Variants in ULK4 observed in about 807,000 individuals in gnomAD.
ULK4 encodes inactive serine/threonine-protein kinase ULK4.
ULK4 carries 133 observed loss-of-function variants against 160.6 expected under a neutral mutation model. That is an observed-to-expected ratio of 0.83 (90% CI 0.72 to 0.96). The LOEUF (loss-of-function observed/expected upper bound fraction) is 0.96. Among genes scored for constraint, ULK4 ranks in the 40% least tolerant of loss-of-function variants. ULK4 has a pLI of 0.00. For synonymous variants in ULK4, 534 were observed against 539.8 expected (o/e 0.99, Z 0.15); for missense variants, 1,580 against 1,499.5 (o/e 1.05, Z -0.89).
intron 27 of ULK4, among the ~76,000 whole-genome samples, chr3:41,696,087 T>C (rs551477044): frequency 6.2e-4 from 94 of 152,198 alleles, no homozygotes; most frequent in Non-Finnish European, 1.0e-3. Flanking sequence ...ACCCACTACT[T>C]AGCGGAACGG....
rs1327697971 is a variant in ULK4 at position 41,577,600 on chromosome 3, T to TC, written c.3121-11471dup. On this transcript the variant is annotated intron_variant, in intron 31 of 36. Transcript: ENST00000301831. ...CGCGCCCCCATTAACCATCCCCACC[T>TC]CCCCCTCCAACCTCCCACTACCCTT... 2.0e-5 allele frequency among the ~76,000 whole-genome samples: 3 copies of TC among 147,444 alleles called. No homozygotes were observed. In the East Asian group the frequency reaches 6.2e-4, roughly 30 times the overall value.
At chr3:41,443,586 A>G (rs1191568366) in intron 34 of ULK4, among the ~76,000 whole-genome samples, 1 of 152,166 alleles carries the variant, frequency 6.6e-6, no homozygotes, top group Non-Finnish European at 1.5e-5. Flanking sequence ...TCCAGTTAAC[A>G]TACCATGGTA....
intron 30 of ULK4, among the ~76,000 whole-genome samples, chr3:41,653,779 G>T (rs1459855362): frequency 6.6e-6 from 1 of 152,116 alleles, no homozygotes; most frequent in Non-Finnish European, 1.5e-5. Flanking sequence ...ACAAAAACAG[G>T]CTGCAAGCCA....
chr3:41,720,990 A>C (rs955213848), intron 22 of ULK4, among the ~76,000 whole-genome samples: 2 of 152,158 alleles, frequency 1.3e-5, no homozygotes, highest in Non-Finnish European at 2.9e-5. Context: ...TGGTTAAATA[A>C]AATATGGTAC....
rs1285648615 is a variant in ULK4, at chr3:41,932,007, C to T, written c.379-1G>A. On this transcript the variant is annotated splice_acceptor_variant, in intron 4 of 36. Coordinates refer to ENST00000301831, the MANE Select transcript of ULK4 (RefSeq NM_017886.4). LOFTEE classifies it high-confidence loss of function. ...GTGTGCCAGGCCCTTCCAAGAGTAT[C>T]TATGAAGATCAAATAAATGTTTTCA... 6.2e-7 allele frequency: 1 copy of T among 1,610,366 alleles called. No homozygotes were observed. The highest frequency in any genetic ancestry group is 1.1e-5 in the South Asian group (1 of 90,576).
At chr3:41,760,766 A>G (rs1158185844) in intron 21 of ULK4, among the ~76,000 whole-genome samples, 1 of 152,212 alleles carries the variant, frequency 6.6e-6, no homozygotes, top group East Asian at 1.9e-4. Context: ...CAAGATCCAA[A>G]AACACTGAAA....
At chr3:41,558,371 A>C (rs564124637) in intron 32 of ULK4, among the ~76,000 whole-genome samples, 1 of 152,220 alleles carries the variant, frequency 6.6e-6, no homozygotes, top group South Asian at 2.1e-4. Context: ...TAGGGGAGGA[A>C]AAAAATATTA....
chr3:41,757,414 C>T (rs574822283), intron 21 of ULK4, among the ~76,000 whole-genome samples: 191 of 152,014 alleles, frequency 1.3e-3, no homozygotes, highest in African/African-American at 4.0e-3. Context: ...GGGCAGAACA[C>T]GTGGTCAGGA....
intron 35 of ULK4, among the ~76,000 whole-genome samples, chr3:41,357,528 G>A (rs1349174626): frequency 2.0e-5 from 3 of 152,086 alleles, no homozygotes; most frequent in Non-Finnish European, 4.4e-5. Context: ...TCTGAGAGTG[G>A]GACACCAGGA....
intron 30 of ULK4, among the ~76,000 whole-genome samples, chr3:41,655,962 C>T (rs1348012273): frequency 6.6e-6 from 1 of 152,184 alleles, no homozygotes; most frequent in Non-Finnish European, 1.5e-5. Flanking sequence ...GATGTGGAAG[C>T]TATCTTGTGA....
chr3:41,246,717 C>T lies in ULK4; in HGVS notation c.*212G>A. 1 of 548,566 alleles carries T rather than the reference C, an allele frequency of 1.8e-6. No individual in the cohort carries two copies. The highest frequency in any genetic ancestry group is 3.1e-5 in the Admixed American group (1 of 32,118). 34.0% of individuals were successfully genotyped at this position (548,566 alleles called of 1,614,324 possible). A position where few individuals can be genotyped will look rare whatever the true frequency, so the allele number is the denominator to read the frequency against. Reference sequence around the variant, plus strand: ...CTAACAAACCTGGGCTTCCCAGATGCATTCCACAGGAACCAAGGAAGTCCA... The same window carrying T: ...CTAACAAACCTGGGCTTCCCAGATGTATTCCACAGGAACCAAGGAAGTCCA... On this transcript the variant is annotated 3_prime_UTR_variant, in exon 37 of 37. Transcript: ENST00000301831.
At chr3:41,850,377 G>A (rs924877712) in intron 17 of ULK4, among the ~76,000 whole-genome samples, 2 of 152,158 alleles carry the variant, frequency 1.3e-5, no homozygotes, top group African/African-American at 4.8e-5. Flanking sequence ...GATCTCTGAG[G>A]AATCGCCACA....
chr3:41,602,216 G>C (rs1057253969), intron 31 of ULK4, among the ~76,000 whole-genome samples: 1 of 149,442 alleles, frequency 6.7e-6, no homozygotes, highest in African/African-American at 2.5e-5. Flanking sequence ...GGAAGGGAAG[G>C]AAGAGAAGAA....
intron 35 of ULK4, among the ~76,000 whole-genome samples, chr3:41,285,352 T>C (rs1169041244): frequency 1.3e-5 from 2 of 152,168 alleles, no homozygotes; most frequent in Non-Finnish European, 1.5e-5. Context: ...TGCCCATCAA[T>C]CAACGAGTGG....
intron 30 of ULK4, among the ~76,000 whole-genome samples, chr3:41,624,156 C>T (rs900858765): frequency 2.0e-5 from 3 of 152,166 alleles, no homozygotes; most frequent in Admixed American, 6.5e-5. Context: ...ACAGGAAACA[C>T]GCAGACTCAA....
chr3:41,533,719 T>C (rs961096786), intron 32 of ULK4, among the ~76,000 whole-genome samples: 1 of 152,234 alleles, frequency 6.6e-6, no homozygotes, highest in Non-Finnish European at 1.5e-5. Flanking sequence ...TCTGGTGTTC[T>C]GCAGGAAAAG....
At chr3:41,451,745 A>G (rs1383879511) in intron 34 of ULK4, among the ~76,000 whole-genome samples, 1 of 152,180 alleles carries the variant, frequency 6.6e-6, no homozygotes, top group African/African-American at 2.4e-5. Flanking sequence ...CAGACTAATA[A>G]ATTGTCATAT....
intron 32 of ULK4, among the ~76,000 whole-genome samples, chr3:41,502,200 T>C (rs1353929044): frequency 6.6e-6 from 1 of 152,250 alleles, no homozygotes; most frequent in Non-Finnish European, 1.5e-5. Flanking sequence ...TTCATTTCCG[T>C]TGGATATATT....
At chr3:41,642,125 AG>A (rs2034234665) in intron 30 of ULK4, among the ~76,000 whole-genome samples, 1 of 152,002 alleles carries the variant, frequency 6.6e-6, no homozygotes, top group African/African-American at 2.4e-5. Context: ...CCGCCTGCCT[AG>A]GTCTCCCAAA....
Sources: allele counts gnomAD v4.1 joint callset (sites outside exome capture counted in the v4.1 genomes callset), GRCh38; gene constraint gnomAD v4.1.1; transcripts MANE v1.5; gene names NCBI Gene and HGNC (gene_info 2026-07-23, HGNC 2026-07-21).